Variants in GPC5 observed in about 807,000 individuals in gnomAD.
GPC5 encodes the protein glypican 5.
Under a neutral mutation model 53.9 loss-of-function variants are expected in GPC5, and 47 were observed. That is an observed-to-expected ratio of 0.87 (90% CI 0.69 to 1.11). GPC5 has a LOEUF of 1.11. Among genes scored for constraint, GPC5 ranks in the 50% most tolerant of loss-of-function variants. The pLI is 0.00. For missense variants in GPC5, 748 were observed against 713.1 expected (o/e 1.05, Z -0.56); for synonymous variants, 286 against 263.3 (o/e 1.09, Z -0.84).
intron 7 of GPC5, among the ~76,000 whole-genome samples, chr13:92,634,064 C>T (rs9516103): frequency 0.85 from 129,841 of 151,976 alleles, 57,363 homozygotes; most frequent in Non-Finnish European, 0.98. Context: ...TGATGAAAAA[C>T]ACTAACAAAA....
Position 91,545,392 on chromosome 13 carries a change from A to T in GPC5, c.325+96470A>T, listed in dbSNP as rs185646572. 1.1e-3 allele frequency among the ~76,000 whole-genome samples: 174 copies of T among 152,260 alleles called. 1 individual carries two copies. The highest frequency in any genetic ancestry group is 3.9e-3 in the African/African-American group (164 of 41,558). On this transcript the variant is annotated intron_variant, in intron 2 of 7. Transcript: ENST00000377067. ...TTTTTTTGTTTCATTTAACTAATACATATTTACCCATCTTTTGGTTTTAAG... is the reference window on the plus strand; with the variant it reads ...TTTTTTTGTTTCATTTAACTAATACTTATTTACCCATCTTTTGGTTTTAAG...
chr13:92,570,006 C>G (rs1174618815), intron 7 of GPC5, among the ~76,000 whole-genome samples: 1 of 152,134 alleles, frequency 6.6e-6, no homozygotes, highest in Non-Finnish European at 1.5e-5. Context: ...GACTCCATTT[C>G]AGCAGCAACT....
At chr13:92,568,744 G>A (rs1207312686) in intron 7 of GPC5, among the ~76,000 whole-genome samples, 1 of 152,084 alleles carries the variant, frequency 6.6e-6, no homozygotes, top group Non-Finnish European at 1.5e-5. Context: ...TAAGAAATCA[G>A]TGAACACAAT....
intron 7 of GPC5, among the ~76,000 whole-genome samples, chr13:92,238,658 C>A (rs144980693): frequency 3.1e-3 from 468 of 152,100 alleles, no homozygotes; most frequent in Non-Finnish European, 5.7e-3. Flanking sequence ...GGTTAACTTA[C>A]ACAAGTCCGT....
chr13:91,812,557 T>C (rs2038329764), intron 5 of GPC5, among the ~76,000 whole-genome samples: 1 of 152,222 alleles, frequency 6.6e-6, no homozygotes, highest in South Asian at 2.1e-4. Flanking sequence ...ATTTAAATCT[T>C]GTAGTGGAAT....
chr13:92,009,046 C>G (rs1298586379), intron 6 of GPC5, among the ~76,000 whole-genome samples: 1 of 151,898 alleles, frequency 6.6e-6, no homozygotes, highest in African/African-American at 2.4e-5. Flanking sequence ...CCATTTCTTG[C>G]CTAATTATTT....
chr13:92,160,724 G>A (rs2041981404), intron 7 of GPC5, among the ~76,000 whole-genome samples: 1 of 152,148 alleles, frequency 6.6e-6, no homozygotes, highest in Non-Finnish European at 1.5e-5. Flanking sequence ...CTTCCATAGA[G>A]CCAACTCTAC....
intron 7 of GPC5, among the ~76,000 whole-genome samples, chr13:92,302,125 G>A (rs532870565): frequency 6.6e-6 from 1 of 152,140 alleles, no homozygotes; most frequent in Admixed American, 6.5e-5. Context: ...TTTGCCCCTG[G>A]ACAATATATA....
intron 7 of GPC5, among the ~76,000 whole-genome samples, chr13:92,359,427 T>C (rs1376138574): frequency 6.6e-6 from 1 of 151,634 alleles, no homozygotes; most frequent in Non-Finnish European, 1.5e-5. Context: ...TCTCTTCCTC[T>C]GAGTCCTCCA....
intron 7 of GPC5, among the ~76,000 whole-genome samples, chr13:92,277,823 C>T (rs1032111016): frequency 6.6e-6 from 1 of 151,716 alleles, no homozygotes; most frequent in African/African-American, 2.4e-5. Context: ...ATATGTAGTC[C>T]ATGAACATCT....
intron 7 of GPC5, among the ~76,000 whole-genome samples, chr13:92,759,999 G>A (rs1443077161): frequency 6.6e-6 from 1 of 152,038 alleles, no homozygotes; most frequent in South Asian, 2.1e-4. Flanking sequence ...CAATATATTA[G>A]TGTGATGTAT....
intron 7 of GPC5, among the ~76,000 whole-genome samples, chr13:92,767,109 G>A (rs11840951): frequency 0.17 from 25,821 of 152,148 alleles, 2,370 homozygotes; most frequent in African/African-American, 0.22. Context: ...CTCCATGGGA[G>A]AAAGAAGCAG....
chr13:92,402,248 C>T (rs10492499), intron 7 of GPC5, among the ~76,000 whole-genome samples: 3,234 of 152,110 alleles, frequency 0.021, 124 homozygotes, highest in African/African-American at 0.075. Context: ...TTAATAGCAG[C>T]GAGTTTGGGC....
intron 7 of GPC5, among the ~76,000 whole-genome samples, chr13:92,532,270 A>T (rs375936582): frequency 3.4e-4 from 52 of 152,232 alleles, no homozygotes; most frequent in African/African-American, 1.2e-3. Context: ...ACATAACTCA[A>T]ACATTCATTC....
chr13:92,786,888 C>T (rs1048953095), intron 7 of GPC5, among the ~76,000 whole-genome samples: 2 of 152,110 alleles, frequency 1.3e-5, no homozygotes, highest in Non-Finnish European at 2.9e-5. Flanking sequence ...AGATACACCG[C>T]ATTCCAGCAA....
intron 7 of GPC5, among the ~76,000 whole-genome samples, chr13:92,568,598 A>C (rs753627262): frequency 6.6e-6 from 1 of 152,124 alleles, no homozygotes; most frequent in Non-Finnish European, 1.5e-5. Flanking sequence ...ACAACACTCC[A>C]TTTGTTTTGA....
At chr13:92,441,268 C>T (rs1243256180) in intron 7 of GPC5, among the ~76,000 whole-genome samples, 1 of 152,160 alleles carries the variant, frequency 6.6e-6, no homozygotes, top group Non-Finnish European at 1.5e-5. Context: ...GGGGTTTCGC[C>T]ATGTTGGCAA....
chr13:92,021,542 T>C (rs2040758465), intron 6 of GPC5, among the ~76,000 whole-genome samples: 1 of 152,180 alleles, frequency 6.6e-6, no homozygotes, highest in Non-Finnish European at 1.5e-5. Flanking sequence ...GCTCTACAGA[T>C]TTGCTGTATA....
intron 5 of GPC5, among the ~76,000 whole-genome samples, chr13:91,801,258 T>TGTGTGTG (rs1190926184): frequency 4.4e-5 from 2 of 45,246 alleles, no homozygotes; most frequent in Non-Finnish European, 8.1e-5. Flanking sequence ...ATACTTTGTG[T>TGTGTGTG]GTGTGTGTGT....
Sources: allele counts gnomAD v4.1 joint callset (sites outside exome capture counted in the v4.1 genomes callset), GRCh38; gene constraint gnomAD v4.1.1; transcripts MANE v1.5; gene names NCBI Gene and HGNC (gene_info 2026-07-23, HGNC 2026-07-21).